Variants in GTF3C1 observed in about 807,000 individuals in gnomAD.
The protein encoded by GTF3C1 is general transcription factor 3C polypeptide 1.
Under a neutral mutation model 226.7 loss-of-function variants are expected in GTF3C1, and 57 were observed. The observed-to-expected ratio is 0.25, with a 90% CI of 0.20 to 0.31. The LOEUF (loss-of-function observed/expected upper bound fraction) is 0.31. Among genes scored for constraint, GTF3C1 ranks in the 10% least tolerant of loss-of-function variants. The pLI, the probability that GTF3C1 is intolerant of heterozygous loss-of-function variation, is 1.00. For synonymous variants in GTF3C1, 1,090 were observed against 1,084.8 expected, an observed-to-expected ratio of 1.00 and a Z score of -0.09; for missense variants, 2,217 against 2,776.1, an observed-to-expected ratio of 0.80 and a Z score of 4.53.
intron 4 of GTF3C1, among the ~76,000 whole-genome samples, chr16:27,534,765 T>TAA (rs1464075555): frequency 6.6e-6 from 1 of 152,188 alleles, no homozygotes; most frequent in African/African-American, 2.4e-5. Context: ...TGTGAATTCA[T>TAA]AAAAGATGCT....
At position 27,469,653 on chromosome 16, in the gene GTF3C1, G is replaced by A. The variant is rs1567385007; in HGVS notation, c.4815-103C>T. 3.1e-6 allele frequency: 4 copies of A among 1,297,206 alleles called. No individual in the cohort carries two copies. In the Admixed American group the frequency reaches 5.9e-5, roughly 19 times the overall value. The allele number at this position is 1,297,206 out of a possible 1,614,324, so 80.4% of individuals were successfully genotyped here. A position where few individuals can be genotyped will look rare whatever the true frequency, so the allele number is the denominator to read the frequency against. On this transcript the variant is annotated intron_variant, in intron 31 of 36. Coordinates refer to ENST00000356183, the MANE Select transcript of GTF3C1 (RefSeq NM_001520.4). This position sits in a 1 kb window ranked among gnomAD's most constrained non-coding sequence, Gnocchi z 4.5. ...GCCTCTGTGGCTGGGCTTCAGCAGT[G>A]GCCCCAGCAACTGGCTATGCTTCAT...
chr16:27,502,626 T>G (rs2088423442), intron 11 of GTF3C1, among the ~76,000 whole-genome samples: 1 of 152,176 alleles, frequency 6.6e-6, no homozygotes, highest in Non-Finnish European at 1.5e-5. Context: ...CTGTCTAGCA[T>G]GCTGATGTTC....
chr16:27,543,407 A>G (rs1679349333), intron 2 of GTF3C1, among the ~76,000 whole-genome samples: 1 of 152,012 alleles, frequency 6.6e-6, no homozygotes, highest in South Asian at 2.1e-4. Flanking sequence ...AATAAATAAA[A>G]AGAGATCGGG....
At chr16:27,482,517 C>A (rs1459642488) in intron 26 of GTF3C1, 1 of 455,962 alleles carries the variant, frequency 2.2e-6, no homozygotes, top group Non-Finnish European at 4.4e-6. Context: ...TCGCCTGTGG[C>A]CTCCTTGGCG....
chr16:27,529,436 G>C (rs2088882169), intron 5 of GTF3C1, among the ~76,000 whole-genome samples: 1 of 132,748 alleles, frequency 7.5e-6, no homozygotes, highest in Admixed American at 7.7e-5. Flanking sequence ...GTGAGACTCT[G>C]TTTCAAAAAA....
intron 1 of GTF3C1, among the ~76,000 whole-genome samples, chr16:27,547,316 CCTG>C (rs2089179309): frequency 6.6e-6 from 1 of 152,190 alleles, no homozygotes; most frequent in African/African-American, 2.4e-5. Flanking sequence ...CTCCCTCTGG[CCTG>C]CTTTCACTCC....
rs1483386531 is a variant in GTF3C1, at chr16:27,463,973, CG to C, written c.5872+346del. ...TGAGAAGGCCGCTGCTGATGACAGA[CG>C]TGCAGGAAAGGAAAGGGCGTGCTGC... On this transcript the variant is annotated intron_variant, in intron 34 of 36. Coordinates refer to ENST00000356183, the MANE Select transcript of GTF3C1 (RefSeq NM_001520.4). This position sits in a 1 kb window ranked among gnomAD's most constrained non-coding sequence, Gnocchi z 4.9. 3 of 417,110 alleles carry C rather than the reference CG, an allele frequency of 7.2e-6. No individual in the cohort carries two copies. Among genetic ancestry groups the C allele is most frequent in the Non-Finnish European group, 1.3e-5 (3 of 237,008 alleles). 25.8% of individuals were successfully genotyped at this position (417,110 alleles called of 1,614,324 possible).
chr16:27,502,312 G>A (rs553814755), intron 11 of GTF3C1, among the ~76,000 whole-genome samples: 67 of 152,240 alleles, frequency 4.4e-4, no homozygotes, highest in African/African-American at 1.5e-3. Flanking sequence ...CTCACATTGG[G>A]TGCCTCAGAA....
Position 27,463,905 on chromosome 16 carries a change from C to T in GTF3C1, c.5873-313G>A. On this transcript the variant is annotated intron_variant, in intron 34 of 36. Transcript: ENST00000356183. The surrounding 1 kb of genome is among the most constrained non-coding windows in gnomAD (Gnocchi z 4.9). ...CACAAGGGTGGTATAAAACCCGAGGCAAAAACACCCCAAAGAAAACAAAAA... is the reference window on the plus strand; with the variant it reads ...CACAAGGGTGGTATAAAACCCGAGGTAAAAACACCCCAAAGAAAACAAAAA... 2.9e-6 allele frequency: 1 copy of T among 348,264 alleles called. No homozygotes were observed. The highest frequency in any genetic ancestry group is 3.6e-5 in the South Asian group (1 of 27,576). The allele number at this position is 348,264 out of a possible 1,614,324, so 21.6% of individuals were successfully genotyped here. A position where few individuals can be genotyped will look rare whatever the true frequency, so the allele number is the denominator to read the frequency against.
intron 28 of GTF3C1, among the ~76,000 whole-genome samples, chr16:27,477,875 A>G (rs948884914): frequency 5.3e-5 from 8 of 152,188 alleles, no homozygotes; most frequent in African/African-American, 1.9e-4. Flanking sequence ...TAGGGAGTCA[A>G]AAGTTATACT....
intron 2 of GTF3C1, among the ~76,000 whole-genome samples, chr16:27,541,255 G>A (rs1165580174): frequency 1.3e-5 from 2 of 152,226 alleles, no homozygotes; most frequent in African/African-American, 2.4e-5. Flanking sequence ...CTGGAGGTAA[G>A]AGGTGCAGCA....
chr16:27,544,763 G>C (rs1452398351), intron 2 of GTF3C1, among the ~76,000 whole-genome samples: 4 of 152,108 alleles, frequency 2.6e-5, no homozygotes, highest in African/African-American at 9.7e-5. Context: ...GGTAGGAAGA[G>C]AGAAAGGGCA....
At chr16:27,545,787 T>A (rs2089153611) in intron 1 of GTF3C1, among the ~76,000 whole-genome samples, 1 of 152,214 alleles carries the variant, frequency 6.6e-6, no homozygotes, top group Admixed American at 6.5e-5. Context: ...CATGGGCTTT[T>A]GTTTCCCTCC....
At chr16:27,527,462 C>T (rs776265359) in intron 6 of GTF3C1, among the ~76,000 whole-genome samples, 3 of 152,094 alleles carry the variant, frequency 2.0e-5, no homozygotes, top group African/African-American at 4.8e-5. Flanking sequence ...GGATTACAGG[C>T]GTGAGCCACC....
intron 6 of GTF3C1, among the ~76,000 whole-genome samples, chr16:27,527,546 C>A (rs929418803): frequency 1.4e-4 from 22 of 152,176 alleles, no homozygotes; most frequent in African/African-American, 4.6e-4. Context: ...AGGCTCAGAT[C>A]CTACCTCTGC....
rs1195789456 is a variant in GTF3C1, at chr16:27,507,627, G to A, written c.1243-471C>T. On this transcript the variant is annotated intron_variant, in intron 8 of 36. Coordinates refer to ENST00000356183, the MANE Select transcript of GTF3C1 (RefSeq NM_001520.4). The surrounding 1 kb of genome is among the most constrained non-coding windows in gnomAD (Gnocchi z 4.9). Reference sequence around the variant, plus strand: ...TTTAACGTCTAGAACAGGGCAAGGGGCTCTTCCCAGGGCCTTTGATAGGAA... The same window carrying A: ...TTTAACGTCTAGAACAGGGCAAGGGACTCTTCCCAGGGCCTTTGATAGGAA... Among the ~76,000 whole-genome samples the A allele has an allele frequency of 6.6e-6, 1 of 152,210 alleles. No individual in the cohort carries two copies. Among genetic ancestry groups the A allele is most frequent in the Non-Finnish European group, 1.5e-5 (1 of 68,040 alleles).
chr16:27,537,814 A>C lies in GTF3C1; in HGVS notation c.722T>G (p.Leu241Arg). The change falls in exon 4 of 37, where the codon CTC becomes CGC. Residue 241 changes from leucine (L) to arginine (R), a missense_variant. Physicochemically the swap from Leu to Arg is moderately radical, Grantham distance 102 (BLOSUM62 -2). Coordinates refer to ENST00000356183, the MANE Select transcript of GTF3C1 (RefSeq NM_001520.4). Reference protein sequence around the residue: ...LPTGAQQHSILLLLNRFHVDR... With the variant: ...LPTGAQQHSIRLLLNRFHVDR... ...CACATGAAACCGGTTCAGTAGGAGG[A>C]GGATTGAGTGTTGCTGGGCTCCAGT... 1 of 1,612,382 alleles carries C rather than the reference A, an allele frequency of 6.2e-7. No individual in the cohort carries two copies. Among genetic ancestry groups the C allele is most frequent in the Non-Finnish European group, 8.5e-7 (1 of 1,178,472 alleles).
rs760091961 is a variant in GTF3C1, at chr16:27,464,398, C to T, written c.5794G>A (p.Val1932Ile). The T allele has an allele frequency of 1.9e-6, 3 of 1,599,986 alleles. No homozygotes were observed. The highest frequency in any genetic ancestry group is 2.6e-6 in the Non-Finnish European group (3 of 1,173,144). The change falls in exon 34 of 37, where the codon GTC (valine) becomes ATC (isoleucine). Residue 1932 changes from valine (V) to isoleucine (I), a missense_variant. Val to Ile is a conservative substitution (Grantham distance 29). Around this residue, in one of 12 missense-constraint regions of GTF3C1, gnomAD observed 455 missense variants for 441.9 expected, o/e 1.03. Coordinates refer to ENST00000356183, the MANE Select transcript of GTF3C1 (RefSeq NM_001520.4). ...TGGCCTGGGGAACTGAACTCACCGA[C>T]ACCCTCTTGGTCTTCCTGTGCTGCT... is the stretch of plus-strand genomic sequence containing the variant. ...AGAAQEDQEG[V>I]GEFSSPGQEQ...
Position 27,489,584 on chromosome 16 carries a change from C to T in GTF3C1, c.3293+18G>A, listed in dbSNP as rs1328250313. ...CGCAGCCCAGTCCTGGCCGGCCGCG[C>T]TTGGGACGGACACGCACGTGGTGTA... On this transcript the variant is annotated intron_variant, in intron 20 of 36. Transcript: ENST00000356183. 1 of 1,594,318 alleles carries T rather than the reference C, an allele frequency of 6.3e-7. No individual in the cohort carries two copies. Among genetic ancestry groups the T allele is most frequent in the Non-Finnish European group, 8.5e-7 (1 of 1,171,556 alleles).
Sources: allele counts gnomAD v4.1 joint callset (sites outside exome capture counted in the v4.1 genomes callset), GRCh38; gene constraint gnomAD v4.1.1; regional missense constraint gnomAD v4.1.1; non-coding constraint Gnocchi (gnomAD v3.1); transcripts MANE v1.5; gene names NCBI Gene and HGNC (gene_info 2026-07-23, HGNC 2026-07-21).